Variants in CTNNA3 observed in about 807,000 individuals in gnomAD.
The protein encoded by CTNNA3 is catenin alpha 3.
CTNNA3 carries 76 observed loss-of-function variants against 95.7 expected under a neutral mutation model. The observed-to-expected ratio is 0.79, with a 90% CI of 0.66 to 0.96. The LOEUF is 0.96. CTNNA3 is among the 40% of genes least tolerant of loss of function. CTNNA3 has a pLI of 0.00. For missense variants in CTNNA3, 1,191 were observed against 1,089.8 expected (o/e 1.09, Z -1.31); for synonymous variants, 431 against 374.4 (o/e 1.15, Z -1.74).
chr10:67,297,644 A>G (rs1211568764), intron 5 of CTNNA3, among the ~76,000 whole-genome samples: 2 of 152,236 alleles, frequency 1.3e-5, no homozygotes, highest in Non-Finnish European at 2.9e-5. Flanking sequence ...ATCAAGTACC[A>G]TGGGAGTGTA....
intron 17 of CTNNA3, among the ~76,000 whole-genome samples, chr10:65,944,450 A>T (rs1390770075): frequency 6.6e-6 from 1 of 152,228 alleles, no homozygotes; most frequent in Non-Finnish European, 1.5e-5. Flanking sequence ...TTAGTGAGAC[A>T]ACACTGAAGA....
chr10:67,620,435 T>A (rs1407556463), intron 2 of CTNNA3, among the ~76,000 whole-genome samples: 1 of 152,118 alleles, frequency 6.6e-6, no homozygotes, highest in African/African-American at 2.4e-5. Context: ...CCCAATCTCC[T>A]GTTTTAGAGC....
intron 7 of CTNNA3, among the ~76,000 whole-genome samples, chr10:67,175,688 T>G (rs1862208249): frequency 6.6e-6 from 1 of 152,168 alleles, no homozygotes; most frequent in African/African-American, 2.4e-5. Flanking sequence ...CCTATAGTCA[T>G]GTATCACCTG....
At chr10:66,321,956 A>G (rs1170163329) in intron 12 of CTNNA3, among the ~76,000 whole-genome samples, 1 of 152,134 alleles carries the variant, frequency 6.6e-6, no homozygotes, top group Non-Finnish European at 1.5e-5. Flanking sequence ...TTGGCATTTA[A>G]AGGTCTTCAT....
At chr10:66,561,265 A>C (rs1388750444) in intron 10 of CTNNA3, among the ~76,000 whole-genome samples, 4 of 152,116 alleles carry the variant, frequency 2.6e-5, no homozygotes, top group Non-Finnish European at 5.9e-5. Context: ...TTCCTTTGAC[A>C]TACAATGCAC....
chr10:67,665,896 T>C (rs562325922), intron 1 of CTNNA3, among the ~76,000 whole-genome samples: 4 of 152,292 alleles, frequency 2.6e-5, no homozygotes, highest in African/African-American at 9.6e-5. Context: ...CAAAACACTG[T>C]AAATCCCAAA....
At chr10:67,256,369 C>G (rs1422482309) in intron 5 of CTNNA3, among the ~76,000 whole-genome samples, 5 of 152,110 alleles carry the variant, frequency 3.3e-5, no homozygotes, top group African/African-American at 1.2e-4. Flanking sequence ...AATTTCACTG[C>G]CTTACCGAAT....
chr10:66,458,482 T>C (rs1159327452), intron 11 of CTNNA3, among the ~76,000 whole-genome samples: 1 of 152,200 alleles, frequency 6.6e-6, no homozygotes, highest in Non-Finnish European at 1.5e-5. Context: ...TCAGTGGTAT[T>C]AAGTGCATTC....
intron 7 of CTNNA3, among the ~76,000 whole-genome samples, chr10:66,844,328 T>C (rs1160495973): frequency 6.6e-6 from 1 of 152,216 alleles, no homozygotes; most frequent in Non-Finnish European, 1.5e-5. Context: ...TGAGTGAAAG[T>C]AGTGTATCCT....
intron 9 of CTNNA3, among the ~76,000 whole-genome samples, chr10:66,735,053 T>G (rs899877525): frequency 6.6e-6 from 1 of 151,590 alleles, no homozygotes; most frequent in Non-Finnish European, 1.5e-5. Context: ...AAACAATATT[T>G]TTTATTATAT....
intron 8 of CTNNA3, among the ~76,000 whole-genome samples, chr10:66,769,943 T>A (rs1840020686): frequency 6.6e-6 from 1 of 152,188 alleles, no homozygotes; most frequent in Non-Finnish European, 1.5e-5. Flanking sequence ...CTAGTTTTAG[T>A]CACTGCTTTC....
At chr10:67,390,357 AG>A (rs1564619096) in intron 5 of CTNNA3, among the ~76,000 whole-genome samples, 3 of 152,234 alleles carry the variant, frequency 2.0e-5, no homozygotes, top group Non-Finnish European at 4.4e-5. Flanking sequence ...TAAACCAGGA[AG>A]AAACTGAATC....
intron 5 of CTNNA3, among the ~76,000 whole-genome samples, chr10:67,271,143 G>T (rs926996171): frequency 6.6e-6 from 1 of 152,154 alleles, no homozygotes; most frequent in African/African-American, 2.4e-5. Flanking sequence ...AATAGGTGAG[G>T]TTATTCTTAA....
At chr10:67,179,494 CAAA>C (rs35292826) in intron 7 of CTNNA3, among the ~76,000 whole-genome samples, 3 of 85,282 alleles carry the variant, frequency 3.5e-5, no homozygotes, top group Non-Finnish European at 5.4e-5. Flanking sequence ...GCTAAAACTT[CAAA>C]AAAAAAAAAA....
chr10:67,195,550 A>T lies in CTNNA3; in HGVS notation c.844-15030T>A, dbSNP rs1372477356. Among the ~76,000 whole-genome samples the T allele has an allele frequency of 3.3e-5, 5 of 151,912 alleles. No homozygotes were observed. The South Asian group carries it at 1.0e-3, about 32-fold the overall frequency. On this transcript the variant is annotated intron_variant, in intron 6 of 17. Transcript: ENST00000433211. ...GCTCCACCTCAGTGGTCTCCTTGCT[A>T]ATGTTATTTTTTGCATTTAAATGCA...
chr10:67,357,323 T>C (rs1420277242), intron 5 of CTNNA3, among the ~76,000 whole-genome samples: 2 of 152,024 alleles, frequency 1.3e-5, no homozygotes, highest in African/African-American at 4.8e-5. Flanking sequence ...AAAATATATC[T>C]GGAAAACCCA....
intron 5 of CTNNA3, among the ~76,000 whole-genome samples, chr10:67,343,483 G>A (rs1842296079): frequency 6.6e-6 from 1 of 151,834 alleles, no homozygotes; most frequent in Admixed American, 6.6e-5. Flanking sequence ...CTTTGGTTAA[G>A]TTAATTTCTA....
At chr10:67,485,149 G>A (rs1373317162) in intron 5 of CTNNA3, among the ~76,000 whole-genome samples, 20 of 152,156 alleles carry the variant, frequency 1.3e-4, no homozygotes, top group Non-Finnish European at 4.4e-5. Flanking sequence ...AAAAAAGATT[G>A]AAGTTGTGTC....
At chr10:67,548,326 G>T (rs1262583835) in intron 3 of CTNNA3, among the ~76,000 whole-genome samples, 1 of 152,120 alleles carries the variant, frequency 6.6e-6, no homozygotes, top group Non-Finnish European at 1.5e-5. Context: ...AGAACCATAA[G>T]CCAATTAAAT....
Sources: allele counts gnomAD v4.1 joint callset (sites outside exome capture counted in the v4.1 genomes callset), GRCh38; gene constraint gnomAD v4.1.1; transcripts MANE v1.5; gene names NCBI Gene and HGNC (gene_info 2026-07-23, HGNC 2026-07-21).